The following TECPR2 variants were observed in gnomAD, a reference collection of about 807,000 sequenced individuals.
TECPR2 encodes tectonin beta-propeller repeat-containing protein 2.
TECPR2 carries 65 observed loss-of-function variants against 138.1 expected under a neutral mutation model. The observed-to-expected ratio is 0.47, with a 90% CI of 0.39 to 0.58. TECPR2 has a LOEUF of 0.58. TECPR2 is among the 20% of genes least tolerant of loss of function. TECPR2 has a pLI of 0.00. For missense variants in TECPR2, 1,553 were observed against 1,824.5 expected (o/e 0.85, Z 2.71); for synonymous variants, 746 against 749.8 (o/e 0.99, Z 0.08).
At chr14:102,470,305 GA>G (rs1346171580) in intron 17 of TECPR2, among the ~76,000 whole-genome samples, 1 of 136,024 alleles carries the variant, frequency 7.4e-6, no homozygotes, top group Non-Finnish European at 1.6e-5. Context: ...GGTCTATTCA[GA>G]ATTTTTTTTT....
chr14:102,472,094 C>T (rs1890664547), intron 17 of TECPR2, among the ~76,000 whole-genome samples: 1 of 152,194 alleles, frequency 6.6e-6, no homozygotes, highest in Non-Finnish European at 1.5e-5. Flanking sequence ...GGGTTGAGCG[C>T]CCATGTGCCT....
chr14:102,375,268 C>T (rs536708634), intron 1 of TECPR2, among the ~76,000 whole-genome samples: 1 of 152,236 alleles, frequency 6.6e-6, no homozygotes, highest in South Asian at 2.1e-4. Flanking sequence ...TTCACTTGAG[C>T]CCAGGAGTTT....
chr14:102,363,674 G>A (rs889808056), intron 1 of TECPR2, among the ~76,000 whole-genome samples: 2 of 152,242 alleles, frequency 1.3e-5, no homozygotes, highest in African/African-American at 4.8e-5. Context: ...GGGGTGTCCT[G>A]GAGTCAGAGC....
chr14:102,498,016 G>C, intron 19 of TECPR2, 87 bp from the exon 20 acceptor site: 1 of 823,774 alleles, frequency 1.2e-6, no homozygotes, highest in Admixed American at 2.7e-5. Flanking sequence ...GGCAAGCCCA[G>C]ACCTGCGCCC....
Position 102,449,811 on chromosome 14 carries a change from C to T in TECPR2, c.3258C>T (p.Ser1086=), listed in dbSNP as rs765907877. 3.7e-5 allele frequency: 59 copies of T among 1,614,034 alleles called. No homozygotes were observed. The highest frequency in any genetic ancestry group is 8.9e-5 in the East Asian group (4 of 44,904). Residue 1086 remains serine (S), a synonymous_variant, in exon 14 of 20, where the codon AGC becomes AGT. Transcript: ENST00000359520. ...CQPSLLGVNN[S]GVWISSGKNE... ...CAAGCCTTCTCGGGGTCAATAACAG[C>T]GGTGTCTGGATCTCCTCGGGCAAGA...
At chr14:102,437,547 C>G (rs1182740510) in intron 9 of TECPR2, among the ~76,000 whole-genome samples, 1 of 150,974 alleles carries the variant, frequency 6.6e-6, no homozygotes, top group Non-Finnish European at 1.5e-5. Context: ...GAGCGAGTCT[C>G]TGTCTCAAAA....
At chr14:102,472,725 T>C (rs2139778240) in intron 17 of TECPR2, among the ~76,000 whole-genome samples, 1 of 152,296 alleles carries the variant, frequency 6.6e-6, no homozygotes, top group South Asian at 2.1e-4. Context: ...CCCCAGGAAA[T>C]AGAAAAGTCC....
intron 16 of TECPR2, among the ~76,000 whole-genome samples, chr14:102,461,378 G>A (rs781322812): frequency 2.6e-5 from 4 of 152,142 alleles, no homozygotes; most frequent in African/African-American, 4.8e-5. Context: ...ATTGTGTTAC[G>A]CAGTAATTTA....
Position 102,498,508 on chromosome 14 carries a change from C to T in TECPR2, c.*251C>T, listed in dbSNP as rs992677372. 94 of 565,078 alleles carry T rather than the reference C, an allele frequency of 1.7e-4. No homozygotes were observed. The highest frequency in any genetic ancestry group is 2.7e-4 in the Non-Finnish European group (87 of 316,792). The allele number at this position is 565,078 out of a possible 1,614,324, so 35.0% of individuals were successfully genotyped here. A position where few individuals can be genotyped will look rare whatever the true frequency, so the allele number is the denominator to read the frequency against. On this transcript the variant is annotated 3_prime_UTR_variant, in exon 20 of 20. Transcript: ENST00000359520. Reference sequence around the variant, plus strand: ...CAGGACAGTGGCGACTGCCCGGCTGCATGCACTCCGATTACCCACGTGCTG... The same window carrying T: ...CAGGACAGTGGCGACTGCCCGGCTGTATGCACTCCGATTACCCACGTGCTG...
rs368972152 is a variant in TECPR2, at chr14:102,385,935, CA to C, written c.219+9009del. Among the ~76,000 whole-genome samples the C allele has an allele frequency of 2.5e-3, 335 of 133,760 alleles. 1 individual carries two copies. Among genetic ancestry groups the C allele is most frequent in the Admixed American group, 8.6e-3 (114 of 13,198 alleles). 87.8% of individuals were successfully genotyped at this position (133,760 alleles called of 152,430 possible). A position where few individuals can be genotyped will look rare whatever the true frequency, so the allele number is the denominator to read the frequency against. ...TGGGCATCAAAGTGAGACCCTGCCT[CA>C]AAAAAAAAAAAAATTTAGCTAGTTA... On this transcript the variant is annotated intron_variant, in intron 2 of 19. Transcript: ENST00000359520.
chr14:102,437,785 T>C (rs1400298183), intron 9 of TECPR2, among the ~76,000 whole-genome samples: 1 of 152,024 alleles, frequency 6.6e-6, no homozygotes, highest in Admixed American at 6.5e-5. Flanking sequence ...CAGGAGAAAA[T>C]GTCATCCAGG....
intron 16 of TECPR2, among the ~76,000 whole-genome samples, chr14:102,461,065 G>C (rs560573835): frequency 1.5e-4 from 23 of 152,000 alleles, no homozygotes; most frequent in African/African-American, 4.6e-4. Context: ...AGCAATTACT[G>C]CTATAGGATT....
intron 5 of TECPR2, among the ~76,000 whole-genome samples, chr14:102,424,675 T>C (rs1889266352): frequency 6.6e-6 from 1 of 152,162 alleles, no homozygotes; most frequent in Non-Finnish European, 1.5e-5. Context: ...CACTCATGGT[T>C]GTTGTAAGGA....
intron 2 of TECPR2, among the ~76,000 whole-genome samples, chr14:102,391,019 A>G (rs550851144): frequency 6.6e-6 from 1 of 152,146 alleles, no homozygotes; most frequent in South Asian, 2.1e-4. Context: ...ACATGTAGCT[A>G]ATTCACCATT....
intron 2 of TECPR2, among the ~76,000 whole-genome samples, chr14:102,390,959 A>G (rs1424995336): frequency 6.6e-6 from 1 of 152,196 alleles, no homozygotes; most frequent in Non-Finnish European, 1.5e-5. Flanking sequence ...CAACAGCAGG[A>G]CGCTAAAAAG....
At chr14:102,384,955 C>G (rs1887957439) in intron 2 of TECPR2, among the ~76,000 whole-genome samples, 1 of 141,602 alleles carries the variant, frequency 7.1e-6, no homozygotes, top group South Asian at 2.3e-4. Context: ...CTCCTAGGTT[C>G]CAGCAATTCT....
At chr14:102,447,892 A>C (rs1449617402) in intron 13 of TECPR2, among the ~76,000 whole-genome samples, 1 of 152,020 alleles carries the variant, frequency 6.6e-6, no homozygotes, top group African/African-American at 2.4e-5. Flanking sequence ...GTCACCTCAG[A>C]CTTGCTTTGT....
chr14:102,368,371 T>G (rs1887403378), intron 1 of TECPR2, among the ~76,000 whole-genome samples: 1 of 152,118 alleles, frequency 6.6e-6, no homozygotes, highest in South Asian at 2.1e-4. Context: ...ATTGTAAAAT[T>G]GTCTTTTGTT....
chr14:102,450,754 C>T (rs768676441), intron 15 of TECPR2, 105 bp downstream of exon 15: 25 of 1,121,726 alleles, frequency 2.2e-5, no homozygotes, highest in Non-Finnish European at 3.0e-5. Flanking sequence ...GGGCATGCCT[C>T]GGAGACTGAC....
Sources: gnomAD v4.1 joint callset for allele counts (sites outside exome capture counted in the v4.1 genomes callset) on GRCh38, gnomAD v4.1.1 for gene constraint, MANE v1.5 for transcripts, NCBI Gene and HGNC (gene_info 2026-07-23, HGNC 2026-07-21) for gene names.